The following CACNA1I variants were observed in gnomAD, a reference collection of about 807,000 sequenced individuals.
CACNA1I encodes voltage-dependent T-type calcium channel subunit alpha-1I.
CACNA1I carries 74 observed loss-of-function variants against 201.6 expected under a neutral mutation model. The ratio of observed to expected loss-of-function variants is 0.37; its 90% CI spans 0.30 to 0.45. The LOEUF (loss-of-function observed/expected upper bound fraction) is 0.45. CACNA1I is among the 20% of genes least tolerant of loss of function. The pLI, the probability that CACNA1I is intolerant of heterozygous loss-of-function variation, is 1.00. For missense variants in CACNA1I, 2,346 were observed against 3,138.1 expected (o/e 0.75, Z 6.03); for synonymous variants, 1,431 against 1,345.2 (o/e 1.06, Z -1.40).
rs1206225031 is a variant in CACNA1I at position 39,629,413 on chromosome 22, C to T, written c.581-5152C>T. ...CCCTCTTCCTCCTACATCCATATCC[C>T]ATCCCTCTGCTTGGCCTCCAAAATA... On this transcript the variant is annotated intron_variant, in intron 4 of 36. Coordinates refer to ENST00000402142, the MANE Select transcript of CACNA1I (RefSeq NM_021096.4). The surrounding 1 kb of genome is among the most constrained non-coding windows in gnomAD (Gnocchi z 4.8). Among the ~76,000 whole-genome samples, 2 of 151,988 alleles carry T rather than the reference C, an allele frequency of 1.3e-5. No homozygotes were observed. Among genetic ancestry groups the T allele is most frequent in the African/African-American group, 2.4e-5 (1 of 41,376 alleles).
chr22:39,570,940 G>A lies in CACNA1I; in HGVS notation c.188G>A (p.Arg63Gln), dbSNP rs1321696886. The A allele has an allele frequency of 6.2e-6, 10 of 1,613,762 alleles. No homozygotes were observed. The highest frequency in any genetic ancestry group is 1.7e-5 in the Admixed American group (1 of 60,010). ...GCGCCTATTGCCTTCTTCTGCCTGC[G>A]ACAGACCACCAGCCCCCGGAACTGG... The part of the protein sequence containing the change: ...DLAPIAFFCL[R>Q]QTTSPRNWCI... The change falls in exon 1 of 37, where the codon CGA (arginine) becomes CAA (glutamine). Residue 63 changes from arginine (R) to glutamine (Q), a missense_variant. Physicochemically the swap from Arg to Gln is conservative, Grantham distance 43 (BLOSUM62 1). Around this residue, in one of 13 missense-constraint regions of CACNA1I, gnomAD observed 130 missense variants for 160.7 expected, o/e 0.81. Transcript: ENST00000402142.
chr22:39,611,547 T>G (rs1378599624), intron 3 of CACNA1I, among the ~76,000 whole-genome samples: 1 of 152,214 alleles, frequency 6.6e-6, no homozygotes, highest in Non-Finnish European at 1.5e-5. Flanking sequence ...GCCCACTCTC[T>G]GGTTCCCAGC....
At position 39,646,831 on chromosome 22, in the gene CACNA1I, C is replaced by T. The variant is rs941929855; in HGVS notation, c.1412C>T (p.Ala471Val). 1.3e-6 allele frequency: 2 copies of T among 1,536,568 alleles called. No homozygotes were observed. Among genetic ancestry groups the T allele is most frequent in the Non-Finnish European group, 8.8e-7 (1 of 1,141,458 alleles). ...QSRRQALGPE[A>V]PAPAKPGPHA... The stretch of plus-strand genomic sequence containing the variant: ...CGGCGCCAGGCCCTGGGCCCGGAGG[C>T]CCCGGCCCCCGCCAAACCTGGGCCC... The change falls in exon 8 of 37, where the codon GCC (alanine) becomes GTC (valine). Residue 471 changes from alanine (A) to valine (V), a missense_variant. This residue lies in a region of CACNA1I where 312 missense variants were observed against 331.5 expected (regional missense o/e 0.94). Transcript: ENST00000402142.
chr22:39,677,800 A>T lies in CACNA1I; in HGVS notation c.4934-187A>T, dbSNP rs757636488. On this transcript the variant is annotated intron_variant, in intron 30 of 36. Coordinates refer to ENST00000402142, the MANE Select transcript of CACNA1I (RefSeq NM_021096.4). This position sits in a 1 kb window ranked among gnomAD's most constrained non-coding sequence, Gnocchi z 4.8. ...TTCGGCGGGGAGCAGAGCCAGACTC[A>T]CCCAAACCTGAGCCCCAGCTCATGT... Among the ~76,000 whole-genome samples, 3 of 152,090 alleles carry T rather than the reference A, an allele frequency of 2.0e-5. No homozygotes were observed. The highest frequency in any genetic ancestry group is 4.4e-5 in the Non-Finnish European group (3 of 68,006).
At chr22:39,679,574 T>C in intron 32 of CACNA1I, 129 bp downstream of exon 32, 1 of 1,048,412 alleles carries the variant, frequency 9.5e-7, no homozygotes. Flanking sequence ...CTCAGCTCCA[T>C]AGAAGGGGTG....
chr22:39,653,236 C>G lies in CACNA1I; in HGVS notation c.1992+3311C>G, dbSNP rs1040257647. Among the ~76,000 whole-genome samples, 8 of 152,166 alleles carry G rather than the reference C, an allele frequency of 5.3e-5. 1 individual carries two copies. On this transcript the variant is annotated intron_variant, in intron 10 of 36. Transcript: ENST00000402142. ...TTCAGAGTCTTGTCTGAGCTCACAC[C>G]ACCACCCCTGGGTGCATTTACCATC...
At chr22:39,594,826 A>AC (rs547851973) in intron 1 of CACNA1I, among the ~76,000 whole-genome samples, 81 of 151,162 alleles carry the variant, frequency 5.4e-4, no homozygotes, top group African/African-American at 1.4e-3. Context: ...TTACAGTAGC[A>AC]CCCCCCCTTA....
chr22:39,646,415 C>T (rs1241327906), intron 7 of CACNA1I, among the ~76,000 whole-genome samples, 154 bp from the exon 8 acceptor site: 1 of 152,022 alleles, frequency 6.6e-6, no homozygotes, highest in Non-Finnish European at 1.5e-5. Flanking sequence ...ATTTCTGCCT[C>T]TGTACCGCCA....
At chr22:39,675,196 G>A (rs745535301) in intron 29 of CACNA1I, among the ~76,000 whole-genome samples, 3 of 152,262 alleles carry the variant, frequency 2.0e-5, no homozygotes, top group Non-Finnish European at 4.4e-5. Context: ...TGTGAAATGA[G>A]GATGGTGGTG....
At chr22:39,609,026 T>C (rs905236304) in intron 3 of CACNA1I, among the ~76,000 whole-genome samples, 6 of 152,194 alleles carry the variant, frequency 3.9e-5, no homozygotes, top group African/African-American at 1.4e-4. Flanking sequence ...GAGTTCCTTT[T>C]TTCCAAAGTG....
At chr22:39,660,572 C>T (rs910625143) in intron 15 of CACNA1I, 135 bp downstream of exon 15, 10 of 585,820 alleles carry the variant, frequency 1.7e-5, no homozygotes, top group East Asian at 3.0e-5. Flanking sequence ...TTGTTGTTTA[C>T]GTTCATAATT....
Position 39,679,859 on chromosome 22 carries a change from C to G in CACNA1I, c.5532C>G (p.Asp1844Glu). The change falls in exon 33 of 37, where the codon GAC becomes GAG. Residue 1844 changes from aspartate to glutamate, a missense_variant. Asp to Glu is a conservative substitution (Grantham distance 45). Around this residue, in one of 13 missense-constraint regions of CACNA1I, gnomAD observed 441 missense variants for 555.6 expected, o/e 0.79. Transcript: ENST00000402142. The stretch of plus-strand genomic sequence containing the variant: ...CCGGCTGCAAGAAGTGTCACCACGA[C>G]AAGCAAGAGGTAATGGCAGCCCGGG... ...SPAGCKKCHH[D>E]KQEVQLAETE... The G allele has an allele frequency of 6.2e-7, 1 of 1,612,120 alleles. No homozygotes were observed. The highest frequency in any genetic ancestry group is 8.5e-7 in the Non-Finnish European group (1 of 1,179,198).
At chr22:39,597,949 G>A (rs543963024) in intron 1 of CACNA1I, among the ~76,000 whole-genome samples, 2 of 152,182 alleles carry the variant, frequency 1.3e-5, no homozygotes, top group African/African-American at 2.4e-5. Flanking sequence ...TGGGTTTGGC[G>A]CATATGGCCA....
intron 6 of CACNA1I, among the ~76,000 whole-genome samples, chr22:39,642,247 C>T (rs1217160353): frequency 6.6e-6 from 1 of 151,582 alleles, no homozygotes; most frequent in Admixed American, 6.6e-5. Flanking sequence ...TCAGGGGGTC[C>T]CACTCTGTGC....
chr22:39,590,936 C>T (rs1005607304), intron 1 of CACNA1I, among the ~76,000 whole-genome samples: 1 of 152,078 alleles, frequency 6.6e-6, no homozygotes, highest in Non-Finnish European at 1.5e-5. Context: ...ACCTTCAGCT[C>T]CTGGGCTTAA....
At chr22:39,658,108 T>G (rs768833187) in intron 10 of CACNA1I, 44 bp from the exon 11 acceptor site, 5 of 1,606,784 alleles carry the variant, frequency 3.1e-6, no homozygotes, top group Non-Finnish European at 3.4e-6. Flanking sequence ...ACAGCTGCCC[T>G]CTGGCCTGAC....
At chr22:39,646,137 G>A (rs1458340579) in intron 7 of CACNA1I, among the ~76,000 whole-genome samples, 3 of 152,054 alleles carry the variant, frequency 2.0e-5, no homozygotes, top group Non-Finnish European at 2.9e-5. Flanking sequence ...TGCCTGGGCC[G>A]TCGCTTTCTC....
intron 10 of CACNA1I, among the ~76,000 whole-genome samples, chr22:39,650,428 A>G (rs1934613316): frequency 6.6e-6 from 1 of 152,208 alleles, no homozygotes. Context: ...CTGGGACTAC[A>G]GGGAGGTGCC....
intron 1 of CACNA1I, among the ~76,000 whole-genome samples, chr22:39,582,617 C>T (rs1008494213): frequency 2.6e-5 from 4 of 151,878 alleles, no homozygotes; most frequent in Non-Finnish European, 5.9e-5. Flanking sequence ...AGTGGGGATC[C>T]CTGAAGGAGG....
Sources: allele counts gnomAD v4.1 joint callset (sites outside exome capture counted in the v4.1 genomes callset), GRCh38; gene constraint gnomAD v4.1.1; regional missense constraint gnomAD v4.1.1; non-coding constraint Gnocchi (gnomAD v3.1); transcripts MANE v1.5; gene names NCBI Gene and HGNC (gene_info 2026-07-23, HGNC 2026-07-21).